Variants in PIP4P2 observed in about 807,000 individuals in gnomAD.
The protein encoded by PIP4P2 is type 2 phosphatidylinositol 4,5-bisphosphate 4-phosphatase.
PIP4P2 carries 19 observed loss-of-function variants against 33.3 expected under a neutral mutation model. The ratio of observed to expected loss-of-function variants is 0.57; its 90% CI spans 0.40 to 0.84. The LOEUF is 0.84. Among genes scored for constraint, PIP4P2 ranks in the 40% least tolerant of loss-of-function variants. The probability of loss-of-function intolerance (pLI) is 0.00; values close to 1 mark genes in which losing one functional copy is unlikely to be tolerated. For synonymous variants in PIP4P2, 110 were observed against 111.9 expected, an observed-to-expected ratio of 0.98 and a Z score of 0.11; for missense variants, 270 against 324.7, an observed-to-expected ratio of 0.83 and a Z score of 1.29.
intron 1 of PIP4P2, among the ~76,000 whole-genome samples, chr8:91,029,943 G>C (rs1236026629): frequency 6.6e-6 from 1 of 152,100 alleles, no homozygotes; most frequent in African/African-American, 2.4e-5. Flanking sequence ...CTCCAGCCTG[G>C]GCGACAGAGC....
Position 91,006,239 on chromosome 8 carries a change from G to GT in PIP4P2, c.539+2503dup, listed in dbSNP as rs1416761047. On this transcript the variant is annotated intron_variant, in intron 5 of 6. Transcript: ENST00000285419. ...AGCTAGGAGTGTTCATGTGGTCACA[G>GT]TATTTGCACTCAAATAAGTAATGAA... is the stretch of plus-strand genomic sequence containing the variant. 3.3e-5 allele frequency among the ~76,000 whole-genome samples: 5 copies of GT among 152,346 alleles called. No individual in the cohort carries two copies. The East Asian group carries it at 9.6e-4, about 29-fold the overall frequency.
At position 90,995,835 on chromosome 8, in the gene PIP4P2, A is replaced by C. The variant is rs1454804919; in HGVS notation, c.631-15T>G. 2.5e-6 allele frequency: 4 copies of C among 1,590,578 alleles called. No individual in the cohort carries two copies. Among genetic ancestry groups the C allele is most frequent in the Non-Finnish European group, 2.6e-6 (3 of 1,173,602 alleles). Reference sequence around the variant, plus strand: ...GGGGTGCCAACCTAAAATAAAAAGCAATATAAAAACAAAATATTAGAAACT... The same window carrying C: ...GGGGTGCCAACCTAAAATAAAAAGCCATATAAAAACAAAATATTAGAAACT... On this transcript the variant is annotated splice_polypyrimidine_tract_variant and intron_variant, in intron 6 of 6. Transcript: ENST00000285419.
At chr8:91,011,059 TAGATAGAC>T (rs368407043) in intron 4 of PIP4P2, among the ~76,000 whole-genome samples, 5,225 of 122,062 alleles carry the variant, frequency 0.043, 127 homozygotes, top group African/African-American at 0.079. Context: ...GATAGATAGA[TAGATAGAC>T]AGATAGATAC....
rs143427753 is a variant in PIP4P2, at chr8:91,028,812, C to T, written c.107-7408G>A. 2.1e-3 allele frequency among the ~76,000 whole-genome samples: 316 copies of T among 152,270 alleles called. 2 individuals are homozygous for T. Among genetic ancestry groups the T allele is most frequent in the African/African-American group, 7.1e-3 (296 of 41,546 alleles). On this transcript the variant is annotated intron_variant, in intron 1 of 6. Transcript: ENST00000285419. ...CCACTTGCTTATTATCTAAATTTGACGGCTGCTTCATAACTGAAGTGATGT... is the reference window on the plus strand; with the variant it reads ...CCACTTGCTTATTATCTAAATTTGATGGCTGCTTCATAACTGAAGTGATGT...
intron 3 of PIP4P2, 109 bp from the exon 4 acceptor site, chr8:91,018,622 A>C: frequency 6.6e-7 from 1 of 1,505,150 alleles, no homozygotes; most frequent in South Asian, 1.3e-5. Flanking sequence ...TTCATAAATT[A>C]AGTGAATTAA....
At chr8:91,001,250 C>T (rs1372524786) in intron 5 of PIP4P2, among the ~76,000 whole-genome samples, 2 of 152,000 alleles carry the variant, frequency 1.3e-5, no homozygotes, top group East Asian at 1.9e-4. Flanking sequence ...TCAGATTTCT[C>T]AGGTATATGA....
At chr8:91,015,077 G>C (rs114233368) in intron 4 of PIP4P2, among the ~76,000 whole-genome samples, 2 of 151,942 alleles carry the variant, frequency 1.3e-5, no homozygotes, top group East Asian at 1.9e-4. Context: ...CACAGAAGAC[G>C]GCACGAATAA....
At chr8:91,038,811 C>A (rs959228975) in intron 1 of PIP4P2, among the ~76,000 whole-genome samples, 4 of 152,138 alleles carry the variant, frequency 2.6e-5, no homozygotes, top group Admixed American at 2.6e-4. Flanking sequence ...ATCATCTAAC[C>A]TGTCTCATTC....
intron 3 of PIP4P2, 134 bp from the exon 4 acceptor site, chr8:91,018,647 G>A (rs558480471): frequency 2.1e-5 from 28 of 1,353,344 alleles, no homozygotes; most frequent in Non-Finnish European, 2.5e-5. Flanking sequence ...CAAGCTGGAG[G>A]CAAAACTACA....
intron 5 of PIP4P2, among the ~76,000 whole-genome samples, chr8:91,000,402 T>TA (rs1225301825): frequency 6.6e-6 from 1 of 150,430 alleles, no homozygotes; most frequent in Non-Finnish European, 1.5e-5. Flanking sequence ...TTTAGCAGTT[T>TA]TTTTTTTTTT....
At chr8:91,016,992 A>C (rs1811923616) in intron 4 of PIP4P2, among the ~76,000 whole-genome samples, 1 of 152,228 alleles carries the variant, frequency 6.6e-6, no homozygotes, top group Non-Finnish European at 1.5e-5. Flanking sequence ...TCAGCTGTGA[A>C]CAAAATTTAC....
intron 4 of PIP4P2, among the ~76,000 whole-genome samples, chr8:91,015,351 A>AG (rs1275661006): frequency 6.6e-6 from 1 of 152,108 alleles, no homozygotes; most frequent in Non-Finnish European, 1.5e-5. Flanking sequence ...GGGGAGAAGG[A>AG]GGGAGAGGAC....
intron 4 of PIP4P2, among the ~76,000 whole-genome samples, 183 bp downstream of exon 4, chr8:91,018,207 A>G (rs975404892): frequency 2.0e-5 from 3 of 152,204 alleles, no homozygotes; most frequent in African/African-American, 7.2e-5. Flanking sequence ...CGTACCTTTT[A>G]TCTAGTTCAC....
At chr8:91,023,726 C>A (rs1236986487) in intron 1 of PIP4P2, among the ~76,000 whole-genome samples, 1 of 151,966 alleles carries the variant, frequency 6.6e-6, no homozygotes, top group East Asian at 1.9e-4. Context: ...CTGGTTTGTC[C>A]ACAGCTACTT....
At chr8:90,998,929 T>C (rs774960846) in intron 5 of PIP4P2, among the ~76,000 whole-genome samples, 7 of 151,980 alleles carry the variant, frequency 4.6e-5, no homozygotes, top group Non-Finnish European at 7.4e-5. Context: ...AAATGATATC[T>C]AATTAAACTA....
At chr8:91,011,737 G>C (rs1811840064) in intron 4 of PIP4P2, among the ~76,000 whole-genome samples, 2 of 151,994 alleles carry the variant, frequency 1.3e-5, no homozygotes, top group South Asian at 4.1e-4. Flanking sequence ...TTTATCCATG[G>C]TCCCAGCTAG....
intron 5 of PIP4P2, among the ~76,000 whole-genome samples, chr8:91,001,915 T>A (rs1231256589): frequency 1.3e-5 from 2 of 152,132 alleles, no homozygotes; most frequent in African/African-American, 4.8e-5. Context: ...AACCCTAAAC[T>A]TTAAGTCAGT....
chr8:91,013,973 A>G (rs967473667), intron 4 of PIP4P2, among the ~76,000 whole-genome samples: 4 of 152,244 alleles, frequency 2.6e-5, no homozygotes, highest in African/African-American at 9.6e-5. Flanking sequence ...GAAAAATCCT[A>G]GCAATTCTGG....
intron 2 of PIP4P2, among the ~76,000 whole-genome samples, chr8:91,020,632 T>C (rs1002924125): frequency 6.6e-6 from 1 of 152,212 alleles, no homozygotes; most frequent in African/African-American, 2.4e-5. Context: ...AGTTTATTAC[T>C]TGAAGCTATA....
Sources: gnomAD v4.1 joint callset for allele counts (sites outside exome capture counted in the v4.1 genomes callset) on GRCh38, gnomAD v4.1.1 for gene constraint, MANE v1.5 for transcripts, NCBI Gene and HGNC (gene_info 2026-07-23, HGNC 2026-07-21) for gene names.